Variants in CUL2 observed in about 807,000 individuals in gnomAD.
The protein encoded by CUL2 is cullin-2.
CUL2 carries 22 observed loss-of-function variants against 110.2 expected under a neutral mutation model. The observed-to-expected ratio is 0.20, with a 90% CI of 0.14 to 0.28. The LOEUF is 0.28. Among genes scored for constraint, CUL2 ranks in the 10% least tolerant of loss-of-function variants. The pLI is 1.00. For missense variants in CUL2, 631 were observed against 905.5 expected (o/e 0.70, Z 3.89); for synonymous variants, 279 against 293.2 (o/e 0.95, Z 0.49).
upstream of CUL2, among the ~76,000 whole-genome samples, chr10:35,094,004 C>A (rs1405926027): frequency 2.0e-5 from 3 of 151,528 alleles, no homozygotes; most frequent in Non-Finnish European, 4.4e-5. Context: ...AATTTTTATC[C>A]TTTAAATTTC....
At chr10:35,108,149 G>C (rs1276505927) in intron 1 of CUL2, among the ~76,000 whole-genome samples, 2 of 151,906 alleles carry the variant, frequency 1.3e-5, no homozygotes, top group African/African-American at 2.4e-5. Flanking sequence ...TATTGCACCT[G>C]CCTAAGTGAG....
intron 1 of CUL2, among the ~76,000 whole-genome samples, chr10:35,084,615 A>C (rs1056149971): frequency 3.3e-5 from 5 of 152,240 alleles, no homozygotes; most frequent in Non-Finnish European, 7.3e-5. Context: ...ATTCAAACCC[A>C]GGCACAGAGC....
intron 2 of CUL2, among the ~76,000 whole-genome samples, chr10:35,099,892 C>T (rs1038614829): frequency 1.3e-5 from 2 of 151,868 alleles, no homozygotes; most frequent in African/African-American, 4.8e-5. Flanking sequence ...TTTTATTAAC[C>T]TTATGGTTTA....
chr10:35,009,181 G>GAT lies in CUL2; in HGVS notation c.*1129_*1130insAT. 8.7e-6 allele frequency: 1 copy of GAT among 114,852 alleles called. No individual in the cohort carries two copies. The highest frequency in any genetic ancestry group is 3.2e-4 in the East Asian group (1 of 3,096). The allele number at this position is 114,852 out of a possible 1,614,324, so 7.1% of individuals were successfully genotyped here. A position where few individuals can be genotyped will look rare whatever the true frequency, so the allele number is the denominator to read the frequency against. On this transcript the variant is annotated 3_prime_UTR_variant, in exon 21 of 21. Transcript: ENST00000374749. The stretch of plus-strand genomic sequence containing the variant: ...TCGCAGTACTCTTAACACTGCTGTT[G>GAT]AGATATATATATATATATATTATAT...
chr10:35,056,157 C>G (rs548257280), intron 4 of CUL2, among the ~76,000 whole-genome samples: 1 of 152,288 alleles, frequency 6.6e-6, no homozygotes, highest in South Asian at 2.1e-4. Flanking sequence ...GTATACAAAG[C>G]AAGAACCTCC....
chr10:35,102,863 A>G (rs531192836), intron 1 of CUL2, among the ~76,000 whole-genome samples: 17 of 151,816 alleles, frequency 1.1e-4, no homozygotes, highest in African/African-American at 4.1e-4. Context: ...AGCCTGGGCA[A>G]TAGAGTGAGA....
At chr10:35,017,050 C>T (rs989733964) in intron 17 of CUL2, among the ~76,000 whole-genome samples, 7 of 151,018 alleles carry the variant, frequency 4.6e-5, no homozygotes, top group African/African-American at 1.7e-4. Flanking sequence ...GAGAAATGGA[C>T]AGACAAAGGG....
At position 35,103,315 on chromosome 10, in the gene CUL2, T is replaced by TA. The variant is rs1160148506; in HGVS notation, c.-50-2256_-50-2255insT. Among the ~76,000 whole-genome samples, 67 of 108,958 alleles carry TA rather than the reference T, an allele frequency of 6.1e-4. No homozygotes were observed. The South Asian group carries it at 9.6e-3, about 16-fold the overall frequency. The allele number at this position is 108,958 out of a possible 152,430, so 71.5% of individuals were successfully genotyped here. ...CGCCACCAGGCCAAGCTAATTTTTT[T>TA]TTTTTTTTTTTTTTTTTATTTTTTT... is the stretch of plus-strand genomic sequence containing the variant. On this transcript the variant is annotated intron_variant, in intron 1 of 5. Coordinates refer to the CUL2 transcript ENST00000685421.
intron 16 of CUL2, among the ~76,000 whole-genome samples, chr10:35,028,317 C>T (rs1280252507): frequency 6.6e-6 from 1 of 152,208 alleles, no homozygotes; most frequent in Non-Finnish European, 1.5e-5. Context: ...ACAGGACTCT[C>T]CTCTATTAGT....
rs190781498 is a variant in CUL2, at chr10:35,083,065, G to A, written c.-23+7114C>T. 6.0e-3 allele frequency among the ~76,000 whole-genome samples: 905 copies of A among 150,898 alleles called. 11 individuals are homozygous for A. Among genetic ancestry groups the A allele is most frequent in the African/African-American group, 0.021 (858 of 40,988 alleles). On this transcript the variant is annotated intron_variant, in intron 1 of 20. Coordinates refer to ENST00000374749, the MANE Select transcript of CUL2 (RefSeq NM_003591.4). ...CCAGCTACTCAGGAGGCTGAGGCAGGAGAATCGCTTGAACCCAGGAGGCAA... is the reference window on the plus strand; with the variant it reads ...CCAGCTACTCAGGAGGCTGAGGCAGAAGAATCGCTTGAACCCAGGAGGCAA...
intron 1 of CUL2, among the ~76,000 whole-genome samples, chr10:35,081,493 G>C (rs533816279): frequency 6.6e-6 from 1 of 152,266 alleles, no homozygotes; most frequent in African/African-American, 2.4e-5. Flanking sequence ...AGGTAAATTA[G>C]AGAATTTGAA....
At chr10:35,067,168 A>G (rs1023710206) in intron 2 of CUL2, among the ~76,000 whole-genome samples, 9 of 151,310 alleles carry the variant, frequency 5.9e-5, no homozygotes, top group Non-Finnish European at 1.3e-4. Context: ...AGAAATGAAG[A>G]CAACAGTATG....
At chr10:35,071,664 T>C (rs2134990888) in intron 1 of CUL2, among the ~76,000 whole-genome samples, 1 of 152,314 alleles carries the variant, frequency 6.6e-6, no homozygotes, top group African/African-American at 2.4e-5. Context: ...CACCTTGGCC[T>C]CCCAAAGTGC....
intron 1 of CUL2, among the ~76,000 whole-genome samples, chr10:35,080,655 T>G (rs910835864): frequency 6.6e-6 from 1 of 151,958 alleles, no homozygotes; most frequent in Non-Finnish European, 1.5e-5. Flanking sequence ...GGGGTTTCAC[T>G]ATGTTGCCCA....
Position 35,009,199 on chromosome 10 carries a change from T to TA in CUL2, c.*1111dup, listed in dbSNP as rs1476436038. On this transcript the variant is annotated 3_prime_UTR_variant, in exon 21 of 21. Transcript: ENST00000374749. Reference sequence around the variant, plus strand: ...TGCTGTTGAGATATATATATATATATATTATATATATATATATATATAAAA... The same window carrying TA: ...TGCTGTTGAGATATATATATATATATAATTATATATATATATATATATAAAA... 104 of 97,322 alleles carry TA rather than the reference T, an allele frequency of 1.1e-3. No individual in the cohort carries two copies. The highest frequency in any genetic ancestry group is 6.2e-4 in the Admixed American group (5 of 8,018). 6.0% of individuals were successfully genotyped at this position (97,322 alleles called of 1,614,324 possible). A position where few individuals can be genotyped will look rare whatever the true frequency, so the allele number is the denominator to read the frequency against.
At chr10:35,117,007 T>C (rs1218652827) in intron 1 of CUL2, among the ~76,000 whole-genome samples, 1 of 151,170 alleles carries the variant, frequency 6.6e-6, no homozygotes, top group East Asian at 1.9e-4. Flanking sequence ...GTTTTGGATA[T>C]AAACATCCAG....
In CUL2 at chr10:35,051,478, T is replaced by C. The variant is rs76756627; in HGVS notation, c.424-1713A>G. Among the ~76,000 whole-genome samples, 279 of 151,656 alleles carry C rather than the reference T, an allele frequency of 1.8e-3. 2 individuals carry two copies. The East Asian group carries it at 0.039, about 21-fold the overall frequency. ...AATACAAAAAATTAGCCGGGCGAGG[T>C]GGCGGGCGCCTGTAGTCCCAGCTAC... On this transcript the variant is annotated intron_variant, in intron 5 of 20. Transcript: ENST00000374749.
Position 35,039,074 on chromosome 10 carries a change from A to G in CUL2, c.723T>C (p.Gly241=). The change falls in exon 9 of 21, where the codon GGT becomes GGC. Residue 241 remains glycine (G), a synonymous_variant. Transcript: ENST00000374749. ...ATCGAATTTCTTCATCTTTTAATCT[A>G]CCTAGAACCTATAAAAATATTTTCT... is the stretch of plus-strand genomic sequence containing the variant. ...NCSQYMEKVL[G]RLKDEEIRCR... 1 of 1,561,806 alleles carries G rather than the reference A, an allele frequency of 6.4e-7. No homozygotes were observed. Among genetic ancestry groups the G allele is most frequent in the Non-Finnish European group, 8.7e-7 (1 of 1,155,112 alleles).
Position 35,071,249 on chromosome 10 carries a change from G to T in CUL2, c.69C>A (p.Ala23=). The T allele has an allele frequency of 6.2e-7, 1 of 1,613,930 alleles. No individual in the cohort carries two copies. Among genetic ancestry groups the T allele is most frequent in the African/African-American group, 1.3e-5 (1 of 75,016 alleles). Residue 23 remains alanine, a synonymous_variant, in exon 2 of 21, where the codon GCC becomes GCA. Coordinates refer to ENST00000374749, the MANE Select transcript of CUL2 (RefSeq NM_003591.4). ...TTTCGACGTATTCCAACATGACCAC[G>T]GCTTTTATTGTCGTCAAAAGTTTGT... ...TWNKLLTTIK[A]VVMLEYVERA...
Sources: allele counts gnomAD v4.1 joint callset (sites outside exome capture counted in the v4.1 genomes callset), GRCh38; gene constraint gnomAD v4.1.1; transcripts MANE v1.5; gene names NCBI Gene and HGNC (gene_info 2026-07-23, HGNC 2026-07-21).